Variants in NPNT observed in about 807,000 individuals in gnomAD.
NPNT encodes the protein preosteoblast EGF-like repeat protein with MAM domain.
Under a neutral mutation model 68.6 loss-of-function variants are expected in NPNT, and 45 were observed. That is an observed-to-expected ratio of 0.66 (90% CI 0.52 to 0.84). NPNT has a LOEUF of 0.84. NPNT is among the 40% of genes least tolerant of loss of function. The probability of loss-of-function intolerance (pLI) is 0.00; values close to 1 mark genes in which losing one functional copy is unlikely to be tolerated. For missense variants in NPNT, 672 were observed against 714.8 expected (o/e 0.94, Z 0.68); for synonymous variants, 233 against 253.3 (o/e 0.92, Z 0.76).
rs77726875 is a variant in NPNT, at chr4:105,915,722, T to C, written c.173-11614T>C. On this transcript the variant is annotated intron_variant, in intron 2 of 11. Coordinates refer to ENST00000379987, the MANE Select transcript of NPNT (RefSeq NM_001033047.3). ...CAGATAATGATTTCAATTTTGGATATGTTCAGTTTGAAGCGCTTGTGAGAC... is the reference window on the plus strand; with the variant it reads ...CAGATAATGATTTCAATTTTGGATACGTTCAGTTTGAAGCGCTTGTGAGAC... Among the ~76,000 whole-genome samples the C allele has an allele frequency of 5.9e-4, 90 of 152,334 alleles. No homozygotes were observed. The East Asian group carries it at 0.017, about 29-fold the overall frequency.
At chr4:105,938,918 GTCT>G (rs1328974977) in intron 5 of NPNT, among the ~76,000 whole-genome samples, 1 of 152,136 alleles carries the variant, frequency 6.6e-6, no homozygotes, top group Non-Finnish European at 1.5e-5. Context: ...TTGAGCTTGG[GTCT>G]TCTTATCTTT....
rs374630291 is a variant in NPNT at position 105,959,091 on chromosome 4, A to G, written c.1310A>G (p.Asn437Ser). ...GLCGWIREKD[N>S]DLHWEPIRDP... ...TGTGGATGGATCAGGGAGAAAGACA[A>G]TGACTTGCACTGGGAACCAATCAGG... Residue 437 changes from asparagine (N) to serine (S), a missense_variant, in exon 10 of 12, where the codon AAT becomes AGT. By Grantham distance (46) the Asn-to-Ser change is conservative. Transcript: ENST00000379987. 12 of 1,613,456 alleles carry G rather than the reference A, an allele frequency of 7.4e-6. No individual in the cohort carries two copies. The highest frequency in any genetic ancestry group is 4.5e-5 in the East Asian group (2 of 44,834).
chr4:105,914,369 C>CTA (rs1169474368), intron 2 of NPNT, among the ~76,000 whole-genome samples: 55 of 133,078 alleles, frequency 4.1e-4, no homozygotes, highest in African/African-American at 1.6e-3. Context: ...CTCTCTCTCT[C>CTA]TCTCTATATA....
intron 2 of NPNT, 197 bp downstream of exon 2, chr4:105,898,198 C>G: frequency 2.4e-6 from 1 of 409,332 alleles, no homozygotes; most frequent in Non-Finnish European, 4.3e-6. Flanking sequence ...TACGGCCCAG[C>G]TTTGTCATTC....
intron 2 of NPNT, chr4:105,902,625 T>C (rs117154437): frequency 6.6e-6 from 1 of 152,346 alleles, no homozygotes; most frequent in East Asian, 1.9e-4. Context: ...AACATTAAAC[T>C]TGAATCCACA....
chr4:105,951,342 A>G (rs575505690), intron 8 of NPNT, among the ~76,000 whole-genome samples: 17 of 152,342 alleles, frequency 1.1e-4, no homozygotes, highest in African/African-American at 3.8e-4. Flanking sequence ...ACTGTGCTGC[A>G]ATTCCAAGTA....
At chr4:105,953,290 A>G (rs1730971550) in intron 8 of NPNT, among the ~76,000 whole-genome samples, 1 of 152,230 alleles carries the variant, frequency 6.6e-6, no homozygotes, top group African/African-American at 2.4e-5. Flanking sequence ...ATTGTTGATT[A>G]GCAATGTCTA....
At chr4:105,967,680 AT>A (rs531213334) in intron 11 of NPNT, among the ~76,000 whole-genome samples, 1,634 of 148,478 alleles carry the variant, frequency 0.011, 14 homozygotes, top group Non-Finnish European at 0.018. Context: ...GTAAAGATCC[AT>A]TTTTTTTTAA....
At chr4:105,932,692 T>C in intron 3 of NPNT, 1 of 1,535,808 alleles carries the variant, frequency 6.5e-7, no homozygotes, top group Non-Finnish European at 8.7e-7. Flanking sequence ...GCCACAAGTT[T>C]GCCTTCAAGG....
At chr4:105,968,855 G>T in intron 11 of NPNT, 40 bp from the exon 12 acceptor site, 1 of 1,181,312 alleles carries the variant, frequency 8.5e-7, no homozygotes, top group Non-Finnish European at 1.3e-6. Flanking sequence ...ATTAGAAAGG[G>T]GCAGAGGAGG....
At chr4:105,950,744 C>A (rs1344544516) in intron 8 of NPNT, among the ~76,000 whole-genome samples, 2 of 152,164 alleles carry the variant, frequency 1.3e-5, no homozygotes, top group Admixed American at 6.5e-5. Flanking sequence ...GCCTGACAAC[C>A]TGCACCTGTC....
chr4:105,915,881 T>C (rs573318694), intron 2 of NPNT, among the ~76,000 whole-genome samples: 11 of 152,312 alleles, frequency 7.2e-5, no homozygotes, highest in African/African-American at 2.6e-4. Flanking sequence ...TCAGTCAACA[T>C]TGATTATTGC....
intron 8 of NPNT, among the ~76,000 whole-genome samples, chr4:105,948,515 G>T (rs555771080): frequency 6.6e-6 from 1 of 152,254 alleles, no homozygotes; most frequent in East Asian, 1.9e-4. Context: ...TCTAGTGTTT[G>T]TGAATTCTGA....
In NPNT at chr4:105,971,142, G is replaced by C. The variant is rs571930029; in HGVS notation, c.*2152G>C. On this transcript the variant is annotated 3_prime_UTR_variant, in exon 12 of 12. Transcript: ENST00000379987. ...TCCTTCAAGGAACACAGTTCAGAGA[G>C]ATTTTCATCGGGTGCATTCTCTCTG... 1 of 455,472 alleles carries C rather than the reference G, an allele frequency of 2.2e-6. No homozygotes were observed. The highest frequency in any genetic ancestry group is 2.4e-5 in the Admixed American group (1 of 42,508). 28.2% of individuals were successfully genotyped at this position (455,472 alleles called of 1,614,324 possible).
chr4:105,902,533 G>A (rs897995067), intron 2 of NPNT, among the ~76,000 whole-genome samples: 4 of 152,172 alleles, frequency 2.6e-5, no homozygotes, highest in Non-Finnish European at 4.4e-5. Flanking sequence ...TAATTTTGAG[G>A]TGAGAATGCA....
At chr4:105,938,231 A>G (rs1729646966) in intron 4 of NPNT, 70 bp from the exon 5 acceptor site, 1 of 1,524,140 alleles carries the variant, frequency 6.6e-7, no homozygotes, top group Non-Finnish European at 8.9e-7. Context: ...GACAAGTGAA[A>G]AAACATAGCT....
rs910421914 is a variant in NPNT at position 105,970,981 on chromosome 4, A to T, written c.*1991A>T. The T allele has an allele frequency of 2.8e-5, 9 of 316,512 alleles. No homozygotes were observed. Among genetic ancestry groups the T allele is most frequent in the South Asian group, 2.4e-4 (9 of 38,036 alleles). The allele number at this position is 316,512 out of a possible 1,614,324, so 19.6% of individuals were successfully genotyped here. ...AAGGAAACTATTTATTCCAAATGAG[A>T]GTATGATGGACAGATATTTTAGTAT... On this transcript the variant is annotated 3_prime_UTR_variant, in exon 12 of 12. Transcript: ENST00000379987.
At chr4:105,954,837 C>T (rs1002151110) in intron 8 of NPNT, among the ~76,000 whole-genome samples, 6 of 152,222 alleles carry the variant, frequency 3.9e-5, no homozygotes, top group Admixed American at 1.3e-4. Context: ...TCCCCACTCC[C>T]GTACTCACTA....
At chr4:105,949,037 G>T (rs988854266) in intron 8 of NPNT, among the ~76,000 whole-genome samples, 1 of 152,138 alleles carries the variant, frequency 6.6e-6, no homozygotes, top group African/African-American at 2.4e-5. Flanking sequence ...TAAAATTCTT[G>T]TTGTTTCATT....
Sources: allele counts gnomAD v4.1 joint callset (sites outside exome capture counted in the v4.1 genomes callset), GRCh38; gene constraint gnomAD v4.1.1; transcripts MANE v1.5; gene names NCBI Gene and HGNC (gene_info 2026-07-23, HGNC 2026-07-21).